The following BCAR3 variants were observed in gnomAD, a reference collection of about 807,000 sequenced individuals.
The protein encoded by BCAR3 is breast cancer anti-estrogen resistance protein 3.
A neutral mutation model predicts 80.1 loss-of-function variants in BCAR3; 37 were observed. That is an observed-to-expected ratio of 0.46 (90% CI 0.36 to 0.61). The LOEUF is 0.61. BCAR3 is among the 20% of genes least tolerant of loss of function. The pLI is 0.00. For missense variants in BCAR3, 978 were observed against 1,068.2 expected, an observed-to-expected ratio of 0.92 and a Z score of 1.18; for synonymous variants, 389 against 418.9, an observed-to-expected ratio of 0.93 and a Z score of 0.87.
At chr1:93,779,044 G>C (rs548473463) in intron 2 of BCAR3, among the ~76,000 whole-genome samples, 1 of 152,126 alleles carries the variant, frequency 6.6e-6, no homozygotes, top group Admixed American at 6.5e-5. Context: ...AGGAGGATGG[G>C]AGGAGGCAAG....
intron 3 of BCAR3, among the ~76,000 whole-genome samples, chr1:93,622,570 G>GAGA (rs1675345940): frequency 6.6e-6 from 1 of 152,168 alleles, no homozygotes; most frequent in African/African-American, 2.4e-5. Context: ...ATCAGAATCT[G>GAGA]AGAAGAACCA....
In BCAR3 at chr1:93,742,704, T is replaced by C. The variant is rs114896247; in HGVS notation, c.-62-36562A>G. 7.7e-3 allele frequency among the ~76,000 whole-genome samples: 1,176 copies of C among 152,346 alleles called. 15 individuals carry two copies. The highest frequency in any genetic ancestry group is 0.027 in the African/African-American group (1,132 of 41,578). On this transcript the variant is annotated intron_variant, in intron 2 of 13. Coordinates refer to the BCAR3 transcript ENST00000370244. Reference sequence around the variant, plus strand: ...TAAAATTGCTGGTACTAAAAGTCTCTTGTATTTAAAACCACTGACAAGACC... The same window carrying C: ...TAAAATTGCTGGTACTAAAAGTCTCCTGTATTTAAAACCACTGACAAGACC...
At chr1:93,718,917 G>A (rs1303216802) in intron 2 of BCAR3, among the ~76,000 whole-genome samples, 1 of 150,988 alleles carries the variant, frequency 6.6e-6, no homozygotes, top group East Asian at 1.9e-4. Flanking sequence ...GCCCAAGCTG[G>A]TTTTGAACTA....
chr1:93,569,349 T>C (rs1673109971), intron 9 of BCAR3, among the ~76,000 whole-genome samples: 1 of 152,202 alleles, frequency 6.6e-6, no homozygotes, highest in South Asian at 2.1e-4. Flanking sequence ...CTTGAAGAGC[T>C]CCTGTATCCA....
rs527861193 is a variant in BCAR3 at position 93,815,042 on chromosome 1, G to A, written c.-63+30525C>T. ...ATGGAGCACCAGGCACTGCGTTAGG[G>A]CTATATGGAGAGCACAATATACAAC... is the stretch of plus-strand genomic sequence containing the variant. On this transcript the variant is annotated intron_variant, in intron 2 of 13. Coordinates refer to the BCAR3 transcript ENST00000370244. Among the ~76,000 whole-genome samples, 15 of 152,276 alleles carry A rather than the reference G, an allele frequency of 9.9e-5. No individual in the cohort carries two copies. In the Middle Eastern group the frequency reaches 0.014, roughly 138 times the overall value.
chr1:93,607,726 GCCTTTTGTC>G (rs1441272417), intron 3 of BCAR3, among the ~76,000 whole-genome samples: 2 of 152,090 alleles, frequency 1.3e-5, no homozygotes, highest in Non-Finnish European at 2.9e-5. Flanking sequence ...CCTCTCCTGT[GCCTTTTGTC>G]CCTATGGCTC....
intron 2 of BCAR3, among the ~76,000 whole-genome samples, chr1:93,643,006 T>A (rs1676033169): frequency 6.6e-6 from 1 of 150,758 alleles, no homozygotes; most frequent in South Asian, 2.1e-4. Flanking sequence ...GGCGGGAGGA[T>A]CAAGGCAGGT....
intron 2 of BCAR3, among the ~76,000 whole-genome samples, chr1:93,827,180 C>T (rs1654401719): frequency 6.6e-6 from 1 of 152,110 alleles, no homozygotes; most frequent in Non-Finnish European, 1.5e-5. Flanking sequence ...TGGTGTCTAA[C>T]AAGTGAAACA....
intron 2 of BCAR3, among the ~76,000 whole-genome samples, chr1:93,779,722 TAAC>T (rs1421731471): frequency 6.6e-6 from 1 of 152,206 alleles, no homozygotes; most frequent in African/African-American, 2.4e-5. Context: ...AGAACAAACT[TAAC>T]AATGCACGTA....
chr1:93,587,748 A>G (rs975023164), intron 5 of BCAR3, among the ~76,000 whole-genome samples: 1 of 150,642 alleles, frequency 6.6e-6, no homozygotes, highest in African/African-American at 2.5e-5. Context: ...GTTTACGTGC[A>G]TAAGATTAGA....
At chr1:93,664,028 C>G (rs915050329) in intron 2 of BCAR3, among the ~76,000 whole-genome samples, 1 of 152,204 alleles carries the variant, frequency 6.6e-6, no homozygotes, top group Admixed American at 6.5e-5. Context: ...AGACTATAGA[C>G]AAGAACACAT....
In BCAR3 at chr1:93,592,375, T is replaced by G. The variant is rs1216288045; in HGVS notation, c.376A>C (p.Ile126Leu). The G allele has an allele frequency of 6.9e-6, 11 of 1,602,478 alleles. No homozygotes were observed. The East Asian group carries it at 2.0e-4, about 29-fold the overall frequency. Residue 126 changes from isoleucine (I) to leucine (L), a missense_variant, in exon 4 of 12, where the codon ATC becomes CTC. Physicochemically the swap from Ile to Leu is conservative, Grantham distance 5. Transcript: ENST00000260502. The surrounding 1 kb of genome is among the most constrained non-coding windows in gnomAD (Gnocchi z 4.8). The stretch of plus-strand genomic sequence containing the variant: ...AGTTTCTCGGGGGTCCTGTCCATGA[T>G]GTGCCTCTCCTTGGAGAACTGCAAC... ...EYVKFSKERH[I>L]MDRTPEKLKK...
chr1:93,727,508 C>A (rs952123526), intron 2 of BCAR3, among the ~76,000 whole-genome samples: 7 of 152,168 alleles, frequency 4.6e-5, no homozygotes, highest in Admixed American at 3.9e-4. Context: ...AATTTGGGAT[C>A]CAGTCATTTT....
chr1:93,676,547 A>C (rs999903987), intron 1 of BCAR3, among the ~76,000 whole-genome samples: 1 of 152,218 alleles, frequency 6.6e-6, no homozygotes, highest in African/African-American at 2.4e-5. Context: ...CAGTGGGTGC[A>C]GAACAATAGG....
At chr1:93,583,144 T>A (rs1174715862) in intron 6 of BCAR3, among the ~76,000 whole-genome samples, 191 bp from the exon 7 acceptor site, 1 of 152,202 alleles carries the variant, frequency 6.6e-6, no homozygotes, top group East Asian at 1.9e-4. Context: ...TCGTGAGGGC[T>A]GGGCTGGGCT....
At chr1:93,675,211 G>A (rs55936005) in intron 1 of BCAR3, among the ~76,000 whole-genome samples, 2,090 of 152,254 alleles carry the variant, frequency 0.014, 47 homozygotes, top group African/African-American at 0.046. Flanking sequence ...AGGCATATAA[G>A]CCATGCACAA....
intron 3 of BCAR3, chr1:93,614,250 G>T: frequency 1.4e-6 from 1 of 702,206 alleles, no homozygotes; most frequent in Non-Finnish European, 1.7e-6. Context: ...GAGGCCTTGG[G>T]CTTTAGCTGT....
intron 5 of BCAR3, among the ~76,000 whole-genome samples, chr1:93,588,658 C>A (rs1674042376): frequency 6.6e-6 from 1 of 152,112 alleles, no homozygotes; most frequent in African/African-American, 2.4e-5. Flanking sequence ...TGCTATGCCT[C>A]CCACCTGGAA....
At chr1:93,599,923 T>C (rs191041989) in intron 3 of BCAR3, among the ~76,000 whole-genome samples, 99 of 152,300 alleles carry the variant, frequency 6.5e-4, no homozygotes, top group South Asian at 2.3e-3. Context: ...ATTACTGTTC[T>C]TTTCTCCTAG....
Sources: gnomAD v4.1 joint callset for allele counts (sites outside exome capture counted in the v4.1 genomes callset) on GRCh38, gnomAD v4.1.1 for gene constraint, Gnocchi (gnomAD v3.1) non-coding constraint, MANE v1.5 for transcripts, NCBI Gene and HGNC (gene_info 2026-07-23, HGNC 2026-07-21) for gene names.